The following CSMD3 variants were observed in gnomAD, a reference collection of about 807,000 sequenced individuals.
The protein encoded by CSMD3 is CUB and sushi domain-containing protein 3.
Under a neutral mutation model 435.2 loss-of-function variants are expected in CSMD3, and 177 were observed. The ratio of observed to expected loss-of-function variants is 0.41; its 90% CI spans 0.36 to 0.46. The LOEUF (loss-of-function observed/expected upper bound fraction) is 0.46. CSMD3 is among the 20% of genes least tolerant of loss of function. The probability of loss-of-function intolerance (pLI) is 0.34; values close to 1 mark genes in which losing one functional copy is unlikely to be tolerated. For missense variants in CSMD3, 4,265 were observed against 4,504.6 expected (o/e 0.95, Z 1.52); for synonymous variants, 1,656 against 1,520.5 (o/e 1.09, Z -2.07).
intron 9 of CSMD3, among the ~76,000 whole-genome samples, chr8:112,923,303 C>T (rs2082803956): frequency 1.3e-5 from 2 of 152,216 alleles, no homozygotes; most frequent in Admixed American, 1.3e-4. Context: ...CTGTTTCACT[C>T]AGAATAAAGG....
chr8:112,439,211 T>A (rs551699400), intron 32 of CSMD3, among the ~76,000 whole-genome samples: 2 of 152,260 alleles, frequency 1.3e-5, no homozygotes, highest in African/African-American at 2.4e-5. Context: ...CACGATCTCA[T>A]CTCACTTCAA....
At chr8:112,403,725 G>A (rs768653885) in intron 35 of CSMD3, among the ~76,000 whole-genome samples, 17 of 152,084 alleles carry the variant, frequency 1.1e-4, no homozygotes, top group Non-Finnish European at 2.1e-4. Context: ...CCCCCACATG[G>A]GGGATTAGGT....
At chr8:112,859,359 T>C in intron 10 of CSMD3, 93 bp from the exon 11 acceptor site, 1 of 1,043,654 alleles carries the variant, frequency 9.6e-7, no homozygotes, top group Non-Finnish European at 1.5e-6. Context: ...ACATTCAAAA[T>C]GACACAATTA....
At chr8:112,842,176 G>A (rs984852526) in intron 11 of CSMD3, among the ~76,000 whole-genome samples, 5 of 151,728 alleles carry the variant, frequency 3.3e-5, no homozygotes, top group Non-Finnish European at 7.4e-5. Flanking sequence ...CCAGAAGGTT[G>A]AGCATGGCCC....
chr8:112,822,181 G>A lies in CSMD3; in HGVS notation c.1859+7505C>T, dbSNP rs779480081. Among the ~76,000 whole-genome samples, 54 of 152,028 alleles carry A rather than the reference G, an allele frequency of 3.6e-4. 1 individual carries two copies. Among genetic ancestry groups the A allele is most frequent in the Admixed American group, 3.9e-4 (6 of 15,262 alleles). ...ATTTAAAGTAGTTTTCCATAATTCC[G>A]TGAATAATGTCAATGGTAGTTTGAT... On this transcript the variant is annotated intron_variant, in intron 12 of 70. Transcript: ENST00000297405.
intron 1 of CSMD3, among the ~76,000 whole-genome samples, chr8:113,333,635 G>A (rs886861489): frequency 6.6e-6 from 1 of 151,776 alleles, no homozygotes; most frequent in Non-Finnish European, 1.5e-5. Flanking sequence ...AATGATCTAT[G>A]TTTCTACCTC....
In CSMD3 at chr8:112,648,376, A is replaced by T. The variant is rs1444199613; in HGVS notation, c.3193+1785T>A. Among the ~76,000 whole-genome samples the T allele has an allele frequency of 2.6e-5, 4 of 152,304 alleles. No individual in the cohort carries two copies. In the East Asian group the frequency reaches 5.8e-4, roughly 22 times the overall value. ...CCAGTTGCACTCAACATGAAATAGA[A>T]ATACAAAAGAGGAGGCCAGGTTATA... On this transcript the variant is annotated intron_variant, in intron 19 of 70. Transcript: ENST00000297405.
chr8:112,871,763 T>C (rs547645673), intron 10 of CSMD3, among the ~76,000 whole-genome samples: 2 of 152,208 alleles, frequency 1.3e-5, no homozygotes, highest in East Asian at 3.9e-4. Context: ...ATACCTTCTC[T>C]TCCTTTTTGG....
chr8:113,224,227 C>CTTTGGGTT (rs906023009), intron 3 of CSMD3, among the ~76,000 whole-genome samples: 3 of 151,144 alleles, frequency 2.0e-5, no homozygotes, highest in Non-Finnish European at 4.4e-5. Flanking sequence ...TTTAATCTAA[C>CTTTGGGTT]TTTGGGTTTT....
intron 13 of CSMD3, among the ~76,000 whole-genome samples, chr8:112,704,946 G>T (rs181843768): frequency 2.0e-5 from 3 of 152,104 alleles, no homozygotes; most frequent in Admixed American, 6.6e-5. Flanking sequence ...TAGTGGGAAT[G>T]AATTTAAAAA....
chr8:113,171,746 G>A (rs967600068), intron 4 of CSMD3, among the ~76,000 whole-genome samples: 1 of 152,134 alleles, frequency 6.6e-6, no homozygotes, highest in Non-Finnish European at 1.5e-5. Flanking sequence ...GCTTTTGGGA[G>A]ACATTTCTCC....
intron 3 of CSMD3, among the ~76,000 whole-genome samples, chr8:113,250,525 A>G (rs2093325237): frequency 6.6e-6 from 1 of 152,144 alleles, no homozygotes. Context: ...TATTGATTGT[A>G]GAAACAGATT....
Position 112,289,532 on chromosome 8 carries a change from T to C in CSMD3, c.8981A>G (p.Asp2994Gly), listed in dbSNP as rs2130658094. 6.2e-7 allele frequency: 1 copy of C among 1,607,372 alleles called. No individual in the cohort carries two copies. Among genetic ancestry groups the C allele is most frequent in the Non-Finnish European group, 8.5e-7 (1 of 1,174,968 alleles). The change falls in exon 57 of 71, where the codon GAC becomes GGC. Residue 2994 changes from aspartate (D) to glycine (G), a missense_variant. Physicochemically the swap from Asp to Gly is moderately conservative, Grantham distance 94. Coordinates refer to ENST00000297405, the MANE Select transcript of CSMD3 (RefSeq NM_198123.2). ...AGGAGGAACGCCAGGGTGTCCACAG[T>C]CAATCACTACAATACATAATTATTA... ...DKPLPECIMI[D>G]CGHPGVPPNA... is the part of the protein sequence containing the mutation.
At chr8:113,236,404 G>A (rs1281223141) in intron 3 of CSMD3, among the ~76,000 whole-genome samples, 1 of 152,122 alleles carries the variant, frequency 6.6e-6, no homozygotes, top group Non-Finnish European at 1.5e-5. Flanking sequence ...ATTCTTAGGT[G>A]CAGCAAAGTC....
At chr8:112,254,154 A>AACATGACTT in intron 63 of CSMD3, 99 bp downstream of exon 63, 1 of 860,512 alleles carries the variant, frequency 1.2e-6, no homozygotes, top group East Asian at 2.4e-5. Flanking sequence ...ATGCAGATAG[A>AACATGACTT]ACATGACTTT....
chr8:112,244,918 G>A (rs1226261812), intron 64 of CSMD3, among the ~76,000 whole-genome samples: 1 of 151,840 alleles, frequency 6.6e-6, no homozygotes, highest in Non-Finnish European at 1.5e-5. Flanking sequence ...GCATTTTAAA[G>A]GATCTGTGAA....
At chr8:112,306,276 G>A in intron 50 of CSMD3, 84 bp from the exon 51 acceptor site, 1 of 974,998 alleles carries the variant, frequency 1.0e-6, no homozygotes, top group African/African-American at 1.6e-5. Flanking sequence ...TGTAAAACAT[G>A]CAAAACTAAC....
intron 22 of CSMD3, among the ~76,000 whole-genome samples, chr8:112,600,118 G>T (rs886123899): frequency 1.3e-5 from 2 of 151,510 alleles, no homozygotes; most frequent in African/African-American, 4.9e-5. Flanking sequence ...TTAAAACTAG[G>T]CTAAGAAGTC....
chr8:113,263,694 T>G (rs1248696270), intron 3 of CSMD3, among the ~76,000 whole-genome samples: 1 of 151,880 alleles, frequency 6.6e-6, no homozygotes, highest in East Asian at 1.9e-4. Context: ...CACTTGAACA[T>G]ATATGATTAA....
Sources: allele counts gnomAD v4.1 joint callset (sites outside exome capture counted in the v4.1 genomes callset), GRCh38; gene constraint gnomAD v4.1.1; transcripts MANE v1.5; gene names NCBI Gene and HGNC (gene_info 2026-07-23, HGNC 2026-07-21).